SUGCT: variants seen among roughly 807,000 people sequenced by gnomAD.
SUGCT encodes the protein succinyl-CoA:glutarate CoA-transferase.
Under a neutral mutation model 55.0 loss-of-function variants are expected in SUGCT, and 41 were observed. The ratio of observed to expected loss-of-function variants is 0.74; its 90% CI spans 0.58 to 0.97. The LOEUF (loss-of-function observed/expected upper bound fraction) is 0.97, where lower values mean the gene tolerates loss of function less well. SUGCT is among the 50% of genes least tolerant of loss of function. The probability of loss-of-function intolerance (pLI) is 0.00; values close to 1 mark genes in which losing one functional copy is unlikely to be tolerated. For missense variants in SUGCT, 568 were observed against 547.8 expected (o/e 1.04, Z -0.37); for synonymous variants, 187 against 200.4 (o/e 0.93, Z 0.56).
chr7:40,230,437 A>C (rs935997588), intron 6 of SUGCT, among the ~76,000 whole-genome samples: 2 of 152,226 alleles, frequency 1.3e-5, no homozygotes, highest in African/African-American at 4.8e-5. Flanking sequence ...TTCAATAAGG[A>C]AATGTCTTGA....
At chr7:40,324,741 A>G (rs970482544) in intron 9 of SUGCT, among the ~76,000 whole-genome samples, 5 of 152,152 alleles carry the variant, frequency 3.3e-5, no homozygotes, top group South Asian at 2.1e-4. Flanking sequence ...TTGCAGACCA[A>G]TGGGAGACCC....
chr7:40,153,888 A>G (rs779825104), intron 1 of SUGCT: 2 of 376,054 alleles, frequency 5.3e-6, no homozygotes, highest in Non-Finnish European at 1.1e-5. Flanking sequence ...AAAAGATGGG[A>G]TCCAAGAAGA....
intron 1 of SUGCT, among the ~76,000 whole-genome samples, chr7:40,151,410 G>T (rs1291490498): frequency 6.6e-6 from 1 of 152,178 alleles, no homozygotes; most frequent in Non-Finnish European, 1.5e-5. Context: ...CTTTTCACTG[G>T]CTTCAGCTGC....
At chr7:40,242,927 ATATATATTTTTTTT>A (rs1789522161) in intron 7 of SUGCT, among the ~76,000 whole-genome samples, 2 of 27,284 alleles carry the variant, frequency 7.3e-5, no homozygotes, top group African/African-American at 2.6e-4. Flanking sequence ...ATATATATAT[ATATATATTTTTTTT>A]TTTTTTTTTT....
At chr7:40,404,478 C>T (rs1786252462) in intron 9 of SUGCT, among the ~76,000 whole-genome samples, 1 of 151,648 alleles carries the variant, frequency 6.6e-6, no homozygotes, top group Non-Finnish European at 1.5e-5. Flanking sequence ...CACTCTGTCA[C>T]CCAGGCTGGA....
chr7:40,278,953 A>C (rs573737796), intron 8 of SUGCT, among the ~76,000 whole-genome samples: 1 of 149,836 alleles, frequency 6.7e-6, no homozygotes, highest in East Asian at 2.0e-4. Flanking sequence ...CAGCTTCCCT[A>C]GTGGTTCGGA....
chr7:40,627,200 C>A (rs915394594), intron 12 of SUGCT, among the ~76,000 whole-genome samples: 1 of 152,098 alleles, frequency 6.6e-6, no homozygotes, highest in African/African-American at 2.4e-5. Flanking sequence ...AATGCACAAA[C>A]AAAGCAAGGA....
intron 13 of SUGCT, among the ~76,000 whole-genome samples, chr7:40,848,239 C>T (rs2128796699): frequency 6.7e-6 from 1 of 149,072 alleles, no homozygotes; most frequent in Middle Eastern, 3.4e-3. Flanking sequence ...AAACATTCAC[C>T]TTATTACATG....
At chr7:40,940,974 C>A in the SUGCT span, among the ~76,000 whole-genome samples, 1 of 152,000 alleles carries the variant, frequency 6.6e-6, no homozygotes, top group Non-Finnish European at 1.5e-5. Flanking sequence ...ATGCCTTTGA[C>A]TTTTCCCTAT....
intron 9 of SUGCT, among the ~76,000 whole-genome samples, chr7:40,413,502 A>G (rs1786804810): frequency 6.6e-6 from 1 of 152,220 alleles, no homozygotes; most frequent in Non-Finnish European, 1.5e-5. Context: ...AAAATAGAGG[A>G]AAACATTTAT....
At chr7:40,220,759 A>G (rs1025814155) in intron 6 of SUGCT, among the ~76,000 whole-genome samples, 1 of 152,198 alleles carries the variant, frequency 6.6e-6, no homozygotes, top group Admixed American at 6.5e-5. Flanking sequence ...ATTCTAAATT[A>G]TTTATTTTTG....
At chr7:40,715,186 T>C (rs1205958429) in intron 12 of SUGCT, among the ~76,000 whole-genome samples, 2 of 152,198 alleles carry the variant, frequency 1.3e-5, no homozygotes, top group Non-Finnish European at 2.9e-5. Flanking sequence ...TTTGTACAGA[T>C]AGGGCATTCT....
intron 13 of SUGCT, among the ~76,000 whole-genome samples, chr7:40,757,216 G>T (rs1404420809): frequency 6.6e-6 from 1 of 152,144 alleles, no homozygotes; most frequent in East Asian, 1.9e-4. Context: ...AGGAAACAAA[G>T]GAGGCGTGAA....
At chr7:40,761,092 A>C (rs932371347) in intron 13 of SUGCT, among the ~76,000 whole-genome samples, 3 of 152,216 alleles carry the variant, frequency 2.0e-5, no homozygotes, top group African/African-American at 7.2e-5. Flanking sequence ...CGTTTAACAA[A>C]TGTTTATCCA....
chr7:40,200,695 A>G (rs1404889823), intron 6 of SUGCT, among the ~76,000 whole-genome samples: 1 of 152,142 alleles, frequency 6.6e-6, no homozygotes, highest in Admixed American at 6.6e-5. Flanking sequence ...GTGGAGGGGT[A>G]GGATCATAAT....
the SUGCT span, among the ~76,000 whole-genome samples, chr7:40,993,097 A>C: frequency 3.3e-5 from 5 of 152,164 alleles, no homozygotes; most frequent in Non-Finnish European, 7.3e-5. Context: ...GAGTTCTTGC[A>C]TGAGGTCTGA....
At chr7:40,147,534 G>A (rs1001947962) in intron 1 of SUGCT, among the ~76,000 whole-genome samples, 3 of 152,122 alleles carry the variant, frequency 2.0e-5, no homozygotes, top group Non-Finnish European at 2.9e-5. Flanking sequence ...TTACCACCCC[G>A]CAGCTTTTTC....
At chr7:40,507,027 T>G (rs1792645356) in intron 12 of SUGCT, among the ~76,000 whole-genome samples, 1 of 152,200 alleles carries the variant, frequency 6.6e-6, no homozygotes, top group Non-Finnish European at 1.5e-5. Context: ...AAGTTTTTTT[T>G]TCTCCTAAGT....
At chr7:40,566,731 T>G (rs1206372471) in intron 12 of SUGCT, among the ~76,000 whole-genome samples, 1 of 152,236 alleles carries the variant, frequency 6.6e-6, no homozygotes, top group Non-Finnish European at 1.5e-5. Context: ...AGGTTGTGGA[T>G]GCTTTCTCAA....
Sources: gnomAD v4.1 joint callset for allele counts (sites outside exome capture counted in the v4.1 genomes callset) on GRCh38, gnomAD v4.1.1 for gene constraint, MANE v1.5 for transcripts, NCBI Gene and HGNC (gene_info 2026-07-23, HGNC 2026-07-21) for gene names.